The following ZNF562 variants were observed in gnomAD, a reference collection of about 807,000 sequenced individuals.
The protein encoded by ZNF562 is zinc finger protein 562.
ZNF562 carries 13 observed loss-of-function variants against 17.5 expected under a neutral mutation model. The ratio of observed to expected loss-of-function variants is 0.74; its 90% CI spans 0.48 to 1.18. The LOEUF (loss-of-function observed/expected upper bound fraction) is 1.18, where lower values mean the gene tolerates loss of function less well. Among genes scored for constraint, ZNF562 ranks in the 50% most tolerant of loss-of-function variants. The pLI, the probability that ZNF562 is intolerant of heterozygous loss-of-function variation, is 0.00. For missense variants in ZNF562, 481 were observed against 498.5 expected (o/e 0.96, Z 0.33); for synonymous variants, 163 against 165.4 (o/e 0.99, Z 0.11).
rs576035625 is a variant in ZNF562, at chr19:9,671,711, T to C, written c.-131+3304A>G. Among the ~76,000 whole-genome samples the C allele has an allele frequency of 3.9e-5, 6 of 152,386 alleles. No individual in the cohort carries two copies. The East Asian group carries it at 1.2e-3, about 29-fold the overall frequency. ...TGATACTCAACGTGTCCATGTTAAATGGCATGTTATTTATTGGAAGCCTCC... is the reference window on the plus strand; with the variant it reads ...TGATACTCAACGTGTCCATGTTAAACGGCATGTTATTTATTGGAAGCCTCC... On this transcript the variant is annotated intron_variant, in intron 1 of 5. Coordinates refer to ENST00000453372, the MANE Select transcript of ZNF562 (RefSeq NM_001130031.2).
rs561594438 is a variant in ZNF562, at chr19:9,656,971, C to T, written c.242-318G>A. ...AGGGGAATCACTTGAACCCCAGAGG[C>T]GGTGGTTGCAGTGAGCTGAAATCAC... is the stretch of plus-strand genomic sequence containing the variant. On this transcript the variant is annotated intron_variant, in intron 4 of 5. Coordinates refer to ENST00000453372, the MANE Select transcript of ZNF562 (RefSeq NM_001130031.2). Among the ~76,000 whole-genome samples the T allele has an allele frequency of 1.1e-3, 160 of 149,966 alleles. 2 individuals are homozygous for T. Among genetic ancestry groups the T allele is most frequent in the South Asian group, 3.3e-3 (16 of 4,786 alleles).
intron 1 of ZNF562, among the ~76,000 whole-genome samples, chr19:9,668,842 C>G (rs1388265717): frequency 6.6e-6 from 1 of 152,014 alleles, no homozygotes; most frequent in Non-Finnish European, 1.5e-5. Context: ...TCATTTTCAA[C>G]AAAGGCACCA....
chr19:9,659,957 A>C (rs1599290524), intron 2 of ZNF562, among the ~76,000 whole-genome samples: 5 of 125,074 alleles, frequency 4.0e-5, no homozygotes, highest in East Asian at 2.1e-4. Flanking sequence ...AAAAAAAAAA[A>C]AAAAAAAAAA....
At chr19:9,655,765 A>ACTTGGT (rs1358041134) in intron 5 of ZNF562, among the ~76,000 whole-genome samples, 2 of 102,316 alleles carry the variant, frequency 2.0e-5, no homozygotes, top group African/African-American at 8.0e-5. Context: ...ATGGAGTCTC[A>ACTTGGT]CTTGGTCATC....
intron 1 of ZNF562, among the ~76,000 whole-genome samples, chr19:9,664,728 G>A (rs1468722590): frequency 6.6e-6 from 1 of 151,602 alleles, no homozygotes; most frequent in Admixed American, 6.6e-5. Flanking sequence ...TCACCTGAGG[G>A]CAGAAGTTCG....
intron 1 of ZNF562, among the ~76,000 whole-genome samples, chr19:9,665,305 T>C (rs1264394748): frequency 2.6e-5 from 4 of 151,292 alleles, no homozygotes; most frequent in Admixed American, 6.6e-5. Flanking sequence ...AATTTCCATA[T>C]CCACAACACC....
At chr19:9,658,620 G>A (rs768955714) in intron 3 of ZNF562, among the ~76,000 whole-genome samples, 3 of 152,092 alleles carry the variant, frequency 2.0e-5, no homozygotes, top group Non-Finnish European at 4.4e-5. Context: ...AAGGTGCTGG[G>A]ATTATAGGTG....
In ZNF562 at chr19:9,643,824, T is replaced by C. The variant is rs1339120653; in HGVS notation, c.*9125A>G. 1 of 152,034 alleles carries C rather than the reference T, an allele frequency of 6.6e-6. No individual in the cohort carries two copies. Among genetic ancestry groups the C allele is most frequent in the African/African-American group, 2.4e-5 (1 of 41,382 alleles). 9.4% of individuals were successfully genotyped at this position (152,034 alleles called of 1,614,324 possible). A position where few individuals can be genotyped will look rare whatever the true frequency, so the allele number is the denominator to read the frequency against. On this transcript the variant is annotated 3_prime_UTR_variant, in exon 6 of 6. Coordinates refer to ENST00000453372, the MANE Select transcript of ZNF562 (RefSeq NM_001130031.2). ...GCTACTATTATACTTAGCGCATTTTTTTGTTTGTTTGTTTTTTGAGACAGT... is the reference window on the plus strand; with the variant it reads ...GCTACTATTATACTTAGCGCATTTTCTTGTTTGTTTGTTTTTTGAGACAGT...
At chr19:9,658,671 T>A (rs553691453) in intron 3 of ZNF562, among the ~76,000 whole-genome samples, 72 of 152,174 alleles carry the variant, frequency 4.7e-4, no homozygotes, top group African/African-American at 1.2e-3. Flanking sequence ...TTTAAAAAAA[T>A]TTTTAAATCT....
intron 4 of ZNF562, among the ~76,000 whole-genome samples, chr19:9,657,168 T>C (rs1266622024): frequency 6.6e-6 from 1 of 151,658 alleles, no homozygotes; most frequent in Non-Finnish European, 1.5e-5. Context: ...ACTGCTTCTG[T>C]GAAAATTACA....
intron 2 of ZNF562, among the ~76,000 whole-genome samples, chr19:9,659,889 C>G (rs1890122003): frequency 8.1e-6 from 1 of 123,582 alleles, no homozygotes; most frequent in African/African-American, 3.1e-5. Flanking sequence ...GTCAGGCATT[C>G]AAGACCAGCC....
rs1397973223 is a variant in ZNF562 at position 9,646,870 on chromosome 19, C to A, written c.*6079G>T. Reference sequence around the variant, plus strand: ...CACTGCAACCTTCGCCTCCCAGATTCAAGCAATTCTCCTGCCTCAGCCTCC... The same window carrying A: ...CACTGCAACCTTCGCCTCCCAGATTAAAGCAATTCTCCTGCCTCAGCCTCC... On this transcript the variant is annotated 3_prime_UTR_variant, in exon 6 of 6. Transcript: ENST00000453372. 2.0e-5 allele frequency: 3 copies of A among 150,850 alleles called. No homozygotes were observed. Among genetic ancestry groups the A allele is most frequent in the Admixed American group, 6.6e-5 (1 of 15,048 alleles). 9.3% of individuals were successfully genotyped at this position (150,850 alleles called of 1,614,324 possible). A position where few individuals can be genotyped will look rare whatever the true frequency, so the allele number is the denominator to read the frequency against.
intron 1 of ZNF562, among the ~76,000 whole-genome samples, chr19:9,671,455 G>A (rs1004784265): frequency 7.2e-5 from 11 of 152,228 alleles, no homozygotes; most frequent in African/African-American, 2.6e-4. Flanking sequence ...CAGCCTGGGT[G>A]ATCCAGCAAG....
chr19:9,661,717 C>A (rs1200166688), intron 1 of ZNF562, among the ~76,000 whole-genome samples: 1 of 152,040 alleles, frequency 6.6e-6, no homozygotes, highest in Non-Finnish European at 1.5e-5. Flanking sequence ...ATCGCTTGAC[C>A]CCGGGAGGTG....
At chr19:9,669,821 G>A (rs1482455129) in intron 1 of ZNF562, among the ~76,000 whole-genome samples, 1 of 150,442 alleles carries the variant, frequency 6.6e-6, no homozygotes, top group Non-Finnish European at 1.5e-5. Context: ...CAGCTCTTTA[G>A]GAGGCCAAGG....
In ZNF562 at chr19:9,643,818, C is replaced by A. The variant is rs1431937304; in HGVS notation, c.*9131G>T. 1 of 151,786 alleles carries A rather than the reference C, an allele frequency of 6.6e-6. No homozygotes were observed. Among genetic ancestry groups the A allele is most frequent in the African/African-American group, 2.4e-5 (1 of 41,310 alleles). The allele number at this position is 151,786 out of a possible 1,614,324, so 9.4% of individuals were successfully genotyped here. A position where few individuals can be genotyped will look rare whatever the true frequency, so the allele number is the denominator to read the frequency against. On this transcript the variant is annotated 3_prime_UTR_variant, in exon 6 of 6. Coordinates refer to ENST00000453372, the MANE Select transcript of ZNF562 (RefSeq NM_001130031.2). ...CCAGTTGCTACTATTATACTTAGCGCATTTTTTTGTTTGTTTGTTTTTTGA... is the reference window on the plus strand; with the variant it reads ...CCAGTTGCTACTATTATACTTAGCGAATTTTTTTGTTTGTTTGTTTTTTGA...
At chr19:9,656,969 G>C (rs2043514670) in intron 4 of ZNF562, among the ~76,000 whole-genome samples, 1 of 150,738 alleles carries the variant, frequency 6.6e-6, no homozygotes, top group African/African-American at 2.4e-5. Flanking sequence ...GAACCCCAGA[G>C]GCGGTGGTTG....
chr19:9,648,188 A>G lies in ZNF562; in HGVS notation c.*4761T>C, dbSNP rs2074822317. ...TTCAAACATAGCTCCATAACATATT[A>G]GTAAAGGTCATGAAGTATTTTTAAG... On this transcript the variant is annotated 3_prime_UTR_variant, in exon 6 of 6. Coordinates refer to ENST00000453372, the MANE Select transcript of ZNF562 (RefSeq NM_001130031.2). 6.6e-6 allele frequency: 1 copy of G among 152,260 alleles called. No homozygotes were observed. Among genetic ancestry groups the G allele is most frequent in the African/African-American group, 2.4e-5 (1 of 41,474 alleles). 9.4% of individuals were successfully genotyped at this position (152,260 alleles called of 1,614,324 possible). A position where few individuals can be genotyped will look rare whatever the true frequency, so the allele number is the denominator to read the frequency against.
Position 9,649,897 on chromosome 19 carries a change from G to C in ZNF562, c.*3052C>G, listed in dbSNP as rs1196503956. On this transcript the variant is annotated 3_prime_UTR_variant, in exon 6 of 6. Transcript: ENST00000453372. ...AAAAACTTGCTGGTTTTTGCGGCTT[G>C]TGGGGCATCACGGAACCTACCGACA... The C allele has an allele frequency of 6.6e-6, 1 of 151,896 alleles. No individual in the cohort carries two copies. The highest frequency in any genetic ancestry group is 1.5e-5 in the Non-Finnish European group (1 of 67,878). 9.4% of individuals were successfully genotyped at this position (151,896 alleles called of 1,614,324 possible). A position where few individuals can be genotyped will look rare whatever the true frequency, so the allele number is the denominator to read the frequency against.
Sources: gnomAD v4.1 joint callset for allele counts (sites outside exome capture counted in the v4.1 genomes callset) on GRCh38, gnomAD v4.1.1 for gene constraint, MANE v1.5 for transcripts, NCBI Gene and HGNC (gene_info 2026-07-23, HGNC 2026-07-21) for gene names.